The following GUSB variants were observed in gnomAD, a reference collection of about 807,000 sequenced individuals.
GUSB encodes the protein beta-glucuronidase.
A neutral mutation model predicts 74.6 loss-of-function variants in GUSB; 51 were observed. The observed-to-expected ratio is 0.68, with a 90% CI of 0.55 to 0.86. The LOEUF (loss-of-function observed/expected upper bound fraction) is 0.86, where lower values mean the gene tolerates loss of function less well. GUSB is among the 40% of genes least tolerant of loss of function. The probability of loss-of-function intolerance (pLI) is 0.00; values close to 1 mark genes in which losing one functional copy is unlikely to be tolerated. For missense variants in GUSB, 736 were observed against 853.7 expected (o/e 0.86, Z 1.72); for synonymous variants, 360 against 348.3 (o/e 1.03, Z -0.37).
chr7:65,972,363 T>C (rs973109984), intron 8 of GUSB, among the ~76,000 whole-genome samples: 12 of 152,172 alleles, frequency 7.9e-5, no homozygotes, highest in Non-Finnish European at 1.8e-4. Context: ...GGTTTCAATA[T>C]CTGTTGGCCA....
intron 4 of GUSB, among the ~76,000 whole-genome samples, chr7:65,977,889 C>A (rs1411504283): frequency 1.3e-5 from 2 of 152,128 alleles, no homozygotes; most frequent in African/African-American, 2.4e-5. Flanking sequence ...CAGCTCACTG[C>A]AAGCTCTGCC....
intron 10 of GUSB, among the ~76,000 whole-genome samples, chr7:65,964,997 A>C (rs908508958): frequency 2.6e-5 from 4 of 152,148 alleles, no homozygotes; most frequent in Non-Finnish European, 5.9e-5. Flanking sequence ...TGAGCCCCAG[A>C]GATCAAAGCG....
chr7:65,960,887 T>G lies in GUSB; in HGVS notation c.*10A>C. 1 of 1,612,252 alleles carries G rather than the reference T, an allele frequency of 6.2e-7. No individual in the cohort carries two copies. Among genetic ancestry groups the G allele is most frequent in the Admixed American group, 1.7e-5 (1 of 59,976 alleles). On this transcript the variant is annotated 3_prime_UTR_variant, in exon 12 of 12. Transcript: ENST00000304895. The stretch of plus-strand genomic sequence containing the variant: ...GGGAGGAAGGGACACGCAGGTGGTA[T>G]CAGTCTTGCTCAAGTAAACAGGCTG...
At chr7:65,962,057 T>G (rs1446306199) in intron 11 of GUSB, among the ~76,000 whole-genome samples, 2 of 151,860 alleles carry the variant, frequency 1.3e-5, no homozygotes, top group Admixed American at 1.3e-4. Context: ...AAGGTTTACA[T>G]GCTGGGTACC....
chr7:65,971,010 T>C (rs1490125817), intron 8 of GUSB, among the ~76,000 whole-genome samples: 1 of 152,062 alleles, frequency 6.6e-6, no homozygotes, highest in Non-Finnish European at 1.5e-5. Context: ...CCGAGCTCTC[T>C]AACATCACTC....
At position 65,980,334 on chromosome 7, in the gene GUSB, C is replaced by A. The variant is rs763344202; in HGVS notation, c.286G>T (p.Val96Phe). ...ISQDWRLRHF[V>F]GWVWYEREVI... ...TCCCGTTCGTACCACACCCAGCCGA[C>A]AAAATGCCGCAGACGCCAGTCCTGG... The change falls in exon 2 of 12, where the codon GTC becomes TTC. Residue 96 changes from valine (V) to phenylalanine (F), a missense_variant. By Grantham distance (50) the Val-to-Phe change is conservative (BLOSUM62 -1). Coordinates refer to ENST00000304895, the MANE Select transcript of GUSB (RefSeq NM_000181.4). The A allele has an allele frequency of 6.2e-7, 1 of 1,613,910 alleles. No individual in the cohort carries two copies. Among genetic ancestry groups the A allele is most frequent in the South Asian group, 1.1e-5 (1 of 91,014 alleles).
intron 1 of GUSB, among the ~76,000 whole-genome samples, chr7:65,981,232 C>CT (rs71051326): frequency 9.9e-6 from 1 of 100,856 alleles, no homozygotes; most frequent in African/African-American, 3.9e-5. Flanking sequence ...GTTTTTTTGC[C>CT]TTTTTTTTTT....
At chr7:65,980,451 A>C (rs765230480) in intron 1 of GUSB, 42 bp from the exon 2 acceptor site, 1 of 1,566,614 alleles carries the variant, frequency 6.4e-7, no homozygotes, top group South Asian at 1.1e-5. Flanking sequence ...GGCCCCCAAA[A>C]GGGTCCAGGA....
In GUSB at chr7:65,971,027, C is replaced by T. The variant is rs190877195; in HGVS notation, c.1392-661G>A. On this transcript the variant is annotated intron_variant, in intron 8 of 11. Coordinates refer to ENST00000304895, the MANE Select transcript of GUSB (RefSeq NM_000181.4). ...GAGCTCTCTAACATCACTCCTTCTACCCCCATCTCCGAATCCTATACCCCC... is the reference window on the plus strand; with the variant it reads ...GAGCTCTCTAACATCACTCCTTCTATCCCCATCTCCGAATCCTATACCCCC... 2.3e-3 allele frequency among the ~76,000 whole-genome samples: 352 copies of T among 152,256 alleles called. 2 individuals carry two copies. The highest frequency in any genetic ancestry group is 8.0e-3 in the African/African-American group (334 of 41,544).
In GUSB at chr7:65,967,783, T is replaced by C. The variant is rs1446751883; in HGVS notation, c.1601A>G (p.Lys534Arg). 2 of 1,613,366 alleles carry C rather than the reference T, an allele frequency of 1.2e-6. No individual in the cohort carries two copies. Among genetic ancestry groups the C allele is most frequent in the Non-Finnish European group, 1.7e-6 (2 of 1,179,868 alleles). Residue 534 changes from lysine (K) to arginine (R), a missense_variant, in exon 10 of 12, where the codon AAG becomes AGG. Physicochemically the swap from Lys to Arg is conservative, Grantham distance 26. This residue lies in a region of GUSB where 368 missense variants were observed against 489.9 expected (regional missense o/e 0.75). Coordinates refer to ENST00000304895, the MANE Select transcript of GUSB (RefSeq NM_000181.4). Reference protein sequence around the residue: ...QFENWYKKYQKPIIQSEYGAE... With the variant: ...QFENWYKKYQRPIIQSEYGAE... ...TCCATACTCGCTCTGAATAATGGGC[T>C]TCTGATACTTCTTATACCAGTTCTC...
chr7:65,974,529 A>G lies in GUSB; in HGVS notation c.1241T>C (p.Leu414Pro). ...IDECPGVGLA[L>P]PQFFNNVSLH... Reference sequence around the variant, plus strand: ...CAGGTGCACAGCAGAGACTCACGGCAGCGCCAGGCCCACGCCGGGACACTC... The same window carrying G: ...CAGGTGCACAGCAGAGACTCACGGCGGCGCCAGGCCCACGCCGGGACACTC... Residue 414 changes from leucine to proline, a missense_variant, in exon 7 of 12, where the codon CTG (leucine) becomes CCG (proline). Leu to Pro is a moderately conservative substitution (Grantham distance 98). Transcript: ENST00000304895. The G allele has an allele frequency of 6.2e-7, 1 of 1,614,158 alleles. No homozygotes were observed. Among genetic ancestry groups the G allele is most frequent in the Non-Finnish European group, 8.5e-7 (1 of 1,180,040 alleles).
Position 65,975,997 on chromosome 7 carries a change from G to A in GUSB, c.912+18C>T, listed in dbSNP as rs778872193. On this transcript the variant is annotated intron_variant, in intron 5 of 11. Transcript: ENST00000304895. ...GGGGCAAAAGACCTCCCTTAGGCAT[G>A]TCCCAAACCACCATTACCTCCAATG... 1 of 1,610,314 alleles carries A rather than the reference G, an allele frequency of 6.2e-7. No individual in the cohort carries two copies. The highest frequency in any genetic ancestry group is 1.1e-5 in the South Asian group (1 of 90,756).
rs555607216 is a variant in GUSB, at chr7:65,980,159, G to A, written c.396+65C>T. 2.8e-4 allele frequency: 408 copies of A among 1,436,338 alleles called. 2 individuals carry two copies. In the African/African-American group the frequency reaches 5.3e-3, roughly 19 times the overall value. The allele number at this position is 1,436,338 out of a possible 1,614,324, so 89.0% of individuals were successfully genotyped here. On this transcript the variant is annotated intron_variant, in intron 2 of 11. Coordinates refer to ENST00000304895, the MANE Select transcript of GUSB (RefSeq NM_000181.4). ...GCATACATGCCGTGGGTGGCAGCTG[G>A]AGGTCCCATGCTGTTCAGCAGCCGT...
At chr7:65,978,446 TCAAAAACAAAAAA>T (rs1311682698) in intron 4 of GUSB, among the ~76,000 whole-genome samples, 13 of 142,078 alleles carry the variant, frequency 9.1e-5, no homozygotes, top group Admixed American at 8.7e-4. Context: ...AGACTCCATC[TCAAAAACAAAAAA>T]CAAAAACAAA....
chr7:65,965,558 C>T (rs1250923078), intron 10 of GUSB, among the ~76,000 whole-genome samples: 4 of 152,082 alleles, frequency 2.6e-5, no homozygotes. Context: ...GAAACAAGGT[C>T]TCACTCTGTC....
At position 65,979,446 on chromosome 7, in the gene GUSB, G is replaced by A. The variant is rs1562694228; in HGVS notation, c.677C>T (p.Thr226Ile). 3.7e-6 allele frequency: 6 copies of A among 1,613,900 alleles called. No individual in the cohort carries two copies. The highest frequency in any genetic ancestry group is 1.1e-5 in the South Asian group (1 of 91,086). The change falls in exon 4 of 12, where the codon ACC becomes ATC. Residue 226 changes from threonine (T) to isoleucine (I), a missense_variant. Physicochemically the swap from Thr to Ile is moderately conservative, Grantham distance 89 (BLOSUM62 -1). Transcript: ENST00000304895. ...RSVLLYTTPT[T>I]YIDDITVTTS... Reference sequence around the variant, plus strand: ...GGTGACGGTGATGTCATCGATGTAGGTGGTGGGTGTCGTGTACAGAAGTAC... The same window carrying A: ...GGTGACGGTGATGTCATCGATGTAGATGGTGGGTGTCGTGTACAGAAGTAC...
chr7:65,975,577 G>A (rs1487548488), intron 5 of GUSB: 1 of 227,142 alleles, frequency 4.4e-6, no homozygotes, highest in Non-Finnish European at 8.8e-6. Flanking sequence ...TAGAGATGGG[G>A]TTTCACCATG....
At chr7:65,961,134 A>T in intron 11 of GUSB, 71 bp from the exon 12 acceptor site, 1 of 1,394,184 alleles carries the variant, frequency 7.2e-7, no homozygotes, top group Non-Finnish European at 1.0e-6. Flanking sequence ...ACCAGTCTGG[A>T]GCTAAGGTAG....
chr7:65,968,469 C>G (rs1195470865), intron 9 of GUSB, among the ~76,000 whole-genome samples: 3 of 152,142 alleles, frequency 2.0e-5, no homozygotes, highest in Non-Finnish European at 4.4e-5. Context: ...AAGCCCAGGG[C>G]CCCCACCACT....
Sources: gnomAD v4.1 joint callset for allele counts (sites outside exome capture counted in the v4.1 genomes callset) on GRCh38, gnomAD v4.1.1 for gene constraint, gnomAD v4.1.1 regional missense constraint, MANE v1.5 for transcripts, NCBI Gene and HGNC (gene_info 2026-07-23, HGNC 2026-07-21) for gene names.